The following KCNN4 variants were observed in gnomAD, a reference collection of about 807,000 sequenced individuals.
KCNN4 encodes potassium calcium-activated channel subfamily N member 4.
A neutral mutation model predicts 45.2 loss-of-function variants in KCNN4; 31 were observed. The ratio of observed to expected loss-of-function variants is 0.69; its 90% CI spans 0.52 to 0.92. KCNN4 has a LOEUF of 0.92. Ranked by LOEUF, KCNN4 falls within the 40% of genes least tolerant of loss-of-function variation. The pLI, the probability that KCNN4 is intolerant of heterozygous loss-of-function variation, is 0.00. For synonymous variants in KCNN4, 231 were observed against 254.6 expected (o/e 0.91, Z 0.88); for missense variants, 463 against 574.0 (o/e 0.81, Z 1.98).
chr19:43,778,193 G>C (rs1371446561), intron 1 of KCNN4, among the ~76,000 whole-genome samples: 1 of 152,156 alleles, frequency 6.6e-6, no homozygotes, highest in Non-Finnish European at 1.5e-5. Flanking sequence ...TGTCTCTAGG[G>C]ATGGTTGTTG....
At chr19:43,773,758 C>T (rs1436477009) in intron 3 of KCNN4, among the ~76,000 whole-genome samples, 1 of 152,130 alleles carries the variant, frequency 6.6e-6, no homozygotes, top group African/African-American at 2.4e-5. Flanking sequence ...CAAATCATCC[C>T]CTTCCTAGGA....
At position 43,767,595 on chromosome 19, in the gene KCNN4, C is replaced by A; in HGVS notation, c.1232G>T (p.Ser411Ile). 1.2e-6 allele frequency: 2 copies of A among 1,614,144 alleles called. No homozygotes were observed. Among genetic ancestry groups the A allele is most frequent in the Non-Finnish European group, 1.7e-6 (2 of 1,180,036 alleles). ...GKLDALTELL[S>I]TALGPRQLPE... Reference sequence around the variant, plus strand: ...AAGCTGCCTCGGCCCCAGGGCAGTGCTAAGCAGCTCAGTCAGGGCATCCAG... The same window carrying A: ...AAGCTGCCTCGGCCCCAGGGCAGTGATAAGCAGCTCAGTCAGGGCATCCAG... Residue 411 changes from serine (S) to isoleucine (I), a missense_variant, in exon 8 of 9, where the codon AGC (serine) becomes ATC (isoleucine). By Grantham distance (142) the Ser-to-Ile change is moderately radical (BLOSUM62 -2). This residue lies in a region of KCNN4 where 129 missense variants were observed against 149.4 expected (regional missense o/e 0.86). Transcript: ENST00000648319.
Position 43,772,084 on chromosome 19 carries a change from G to A in KCNN4, c.735C>T (p.Pro245=), listed in dbSNP as rs1969659655. Residue 245 remains proline (P), a synonymous_variant, in exon 4 of 9, where the codon CCC becomes CCT. Coordinates refer to ENST00000648319, the MANE Select transcript of KCNN4 (RefSeq NM_002250.3). The surrounding 1 kb of genome is among the most constrained non-coding windows in gnomAD (Gnocchi z 4.4). ...CATAGCCGATGGTCAGGAATGTGAT[G>A]GGGATCAGCCAAAGTGTGTCTGAAA... ...GHLSDTLWLI[P]ITFLTIGYGD... is the part of the protein sequence containing the mutation. 6.2e-7 allele frequency: 1 copy of A among 1,613,630 alleles called. No individual in the cohort carries two copies. The highest frequency in any genetic ancestry group is 1.3e-5 in the African/African-American group (1 of 74,996).
intron 1 of KCNN4, among the ~76,000 whole-genome samples, chr19:43,780,417 AGACCCC>A (rs1568396847): frequency 6.5e-4 from 29 of 44,954 alleles, no homozygotes; most frequent in African/African-American, 1.7e-3. Context: ...CCAGGAGTCC[AGACCCC>A]AGCCCCTCCT....
In KCNN4 at chr19:43,774,084, T is replaced by G; in HGVS notation, c.683+108A>C. On this transcript the variant is annotated intron_variant, in intron 3 of 8. Coordinates refer to ENST00000648319, the MANE Select transcript of KCNN4 (RefSeq NM_002250.3). The surrounding 1 kb of genome is among the most constrained non-coding windows in gnomAD (Gnocchi z 5.6). Reference sequence around the variant, plus strand: ...AGGAGAAGGGGTCAAAGTGTGAACTTTCTCCACTGCTTGGTCCTAGGGGGC... The same window carrying G: ...AGGAGAAGGGGTCAAAGTGTGAACTGTCTCCACTGCTTGGTCCTAGGGGGC... 8.4e-7 allele frequency: 1 copy of G among 1,188,532 alleles called. No homozygotes were observed. Among genetic ancestry groups the G allele is most frequent in the Non-Finnish European group, 1.2e-6 (1 of 854,468 alleles). The allele number at this position is 1,188,532 out of a possible 1,614,324, so 73.6% of individuals were successfully genotyped here.
intron 1 of KCNN4, among the ~76,000 whole-genome samples, chr19:43,777,300 T>TGTGA (rs1313015954): frequency 7.0e-6 from 1 of 142,562 alleles, no homozygotes; most frequent in Non-Finnish European, 1.5e-5. Flanking sequence ...GTTCTTCAGG[T>TGTGA]GTGTGTGTGT....
chr19:43,774,638 G>A lies in KCNN4; in HGVS notation c.256-19C>T. ...TGAACAGCTGCCGGTAGGGGGCCAA[G>A]AAGGGAGGGGTCAGGAGCAGGTCAG... On this transcript the variant is annotated intron_variant, in intron 2 of 8. Coordinates refer to ENST00000648319, the MANE Select transcript of KCNN4 (RefSeq NM_002250.3). The surrounding 1 kb of genome is among the most constrained non-coding windows in gnomAD (Gnocchi z 5.6). 1 of 1,485,312 alleles carries A rather than the reference G, an allele frequency of 6.7e-7. No homozygotes were observed. Among genetic ancestry groups the A allele is most frequent in the Non-Finnish European group, 8.9e-7 (1 of 1,126,708 alleles). 92.0% of individuals were successfully genotyped at this position (1,485,312 alleles called of 1,614,324 possible).
chr19:43,779,068 T>C (rs902067678), intron 1 of KCNN4, among the ~76,000 whole-genome samples: 8 of 152,194 alleles, frequency 5.3e-5, no homozygotes, highest in African/African-American at 1.9e-4. Context: ...CTTAGGGTCA[T>C]GTATTTTAAC....
Position 43,780,798 on chromosome 19 carries a change from C to G in KCNN4, c.64G>C (p.Glu22Gln). 1 of 1,614,056 alleles carries G rather than the reference C, an allele frequency of 6.2e-7. No individual in the cohort carries two copies. Among genetic ancestry groups the G allele is most frequent in the Non-Finnish European group, 8.5e-7 (1 of 1,179,986 alleles). ...AGTGCCCAGCCGGCCAGAGACTTCT[C>G]CTGCTCCAGCAAGCGCTTTCGGCGT... ...LRRRKRLLEQ[E>Q]KSLAGWALVL... The change falls in exon 1 of 9, where the codon GAG becomes CAG. Residue 22 changes from glutamate (E) to glutamine (Q), a missense_variant. Coordinates refer to ENST00000648319, the MANE Select transcript of KCNN4 (RefSeq NM_002250.3).
At position 43,774,683 on chromosome 19, in the gene KCNN4, C is replaced by A; in HGVS notation, c.256-64G>T. The A allele has an allele frequency of 7.3e-7, 1 of 1,378,906 alleles. No individual in the cohort carries two copies. The highest frequency in any genetic ancestry group is 1.6e-5 in the South Asian group (1 of 64,444). 85.4% of individuals were successfully genotyped at this position (1,378,906 alleles called of 1,614,324 possible). On this transcript the variant is annotated intron_variant, in intron 2 of 8. Transcript: ENST00000648319. This position sits in a 1 kb window ranked among gnomAD's most constrained non-coding sequence, Gnocchi z 5.6. ...GGTCAGGCGCAGGTCAGGCGGCGGC[C>A]CGCGCCTGCCTGCGCCCTGAGATAA... is the stretch of plus-strand genomic sequence containing the variant.
At chr19:43,776,871 G>A (rs1038732282) in intron 1 of KCNN4, 8 of 459,818 alleles carry the variant, frequency 1.7e-5, no homozygotes, top group Non-Finnish European at 2.8e-5. Context: ...GCTGAGGCAG[G>A]TGGATCACCG....
rs200684482 is a variant in KCNN4, at chr19:43,772,045, C to G, written c.774G>C (p.Pro258=). Reference sequence around the variant, plus strand: ...AGACGATCTTGCCCCACATGGTGCCCGGCACCACGTCACCATAGCCGATGG... The same window carrying G: ...AGACGATCTTGCCCCACATGGTGCCGGGCACCACGTCACCATAGCCGATGG... ...FLTIGYGDVV[P]GTMWGKIVCL... Residue 258 remains proline, a synonymous_variant, in exon 4 of 9, where the codon CCG becomes CCC. Transcript: ENST00000648319. This position sits in a 1 kb window ranked among gnomAD's most constrained non-coding sequence, Gnocchi z 4.4. 27 of 1,613,396 alleles carry G rather than the reference C, an allele frequency of 1.7e-5. No individual in the cohort carries two copies. In the Admixed American group the frequency reaches 4.0e-4, roughly 24 times the overall value.
chr19:43,769,089 G>T lies in KCNN4; in HGVS notation c.1050-57C>A. On this transcript the variant is annotated intron_variant, in intron 6 of 8. Transcript: ENST00000648319. The surrounding 1 kb of genome is among the most constrained non-coding windows in gnomAD (Gnocchi z 4.4). ...AGCCTGGTCCCTGAATGTAGCTGTA[G>T]CTCAGGGGAGGAATGAAGGGAGGAG... The T allele has an allele frequency of 6.5e-7, 1 of 1,545,448 alleles. No individual in the cohort carries two copies. The highest frequency in any genetic ancestry group is 8.9e-7 in the Non-Finnish European group (1 of 1,117,510).
rs151153195 is a variant in KCNN4 at position 43,779,732 on chromosome 19, C to T, written c.159+971G>A. 9.0e-3 allele frequency among the ~76,000 whole-genome samples: 1,364 copies of T among 152,194 alleles called. 21 individuals carry two copies. Among genetic ancestry groups the T allele is most frequent in the African/African-American group, 0.031 (1,301 of 41,498 alleles). The stretch of plus-strand genomic sequence containing the variant: ...TTCTTCCCTACTCACCACTCATCTT[C>T]GGAGTCAGCCCCTCTTCCCCAAAAG... On this transcript the variant is annotated intron_variant, in intron 1 of 8. Transcript: ENST00000648319.
intron 4 of KCNN4, among the ~76,000 whole-genome samples, chr19:43,770,282 C>T (rs1056507140): frequency 6.6e-6 from 1 of 152,180 alleles, no homozygotes; most frequent in African/African-American, 2.4e-5. Context: ...CCCCTCTAAT[C>T]TCCCAGGCTT....
At chr19:43,777,807 G>A (rs1199086236) in intron 1 of KCNN4, among the ~76,000 whole-genome samples, 1 of 152,164 alleles carries the variant, frequency 6.6e-6, no homozygotes, top group Non-Finnish European at 1.5e-5. Context: ...TATTTGCAGG[G>A]GGAGGGGACC....
At chr19:43,773,761 T>C in intron 3 of KCNN4, among the ~76,000 whole-genome samples, 1 of 152,128 alleles carries the variant, frequency 6.6e-6, no homozygotes, top group East Asian at 1.9e-4. Context: ...ATCATCCCCT[T>C]CCTAGGATCA....
intron 7 of KCNN4, among the ~76,000 whole-genome samples, chr19:43,768,416 C>T (rs1031779374): frequency 1.3e-5 from 2 of 152,192 alleles, no homozygotes; most frequent in African/African-American, 2.4e-5. Context: ...TAAGCACTGG[C>T]GAAATCAAAT....
chr19:43,768,752 T>C (rs1373756708), intron 7 of KCNN4, among the ~76,000 whole-genome samples: 4 of 152,170 alleles, frequency 2.6e-5, no homozygotes, highest in Non-Finnish European at 5.9e-5. Context: ...TTTTTTTTTT[T>C]CAGTTTGTAA....
Sources: allele counts gnomAD v4.1 joint callset (sites outside exome capture counted in the v4.1 genomes callset), GRCh38; gene constraint gnomAD v4.1.1; regional missense constraint gnomAD v4.1.1; non-coding constraint Gnocchi (gnomAD v3.1); transcripts MANE v1.5; gene names NCBI Gene and HGNC (gene_info 2026-07-23, HGNC 2026-07-21).